TNKS2: variants seen among roughly 807,000 people sequenced by gnomAD.
The protein encoded by TNKS2 is poly [ADP-ribose] polymerase tankyrase-2.
Under a neutral mutation model 137.6 loss-of-function variants are expected in TNKS2, and 72 were observed. The ratio of observed to expected loss-of-function variants is 0.52; its 90% CI spans 0.43 to 0.64. The LOEUF (loss-of-function observed/expected upper bound fraction) is 0.64, where lower values mean the gene tolerates loss of function less well. Ranked by LOEUF, TNKS2 falls within the 30% of genes least tolerant of loss-of-function variation. The pLI is 0.00. For missense variants in TNKS2, 1,049 were observed against 1,410.2 expected, an observed-to-expected ratio of 0.74 and a Z score of 4.10; for synonymous variants, 516 against 512.1, an observed-to-expected ratio of 1.01 and a Z score of -0.10.
intron 7 of TNKS2, among the ~76,000 whole-genome samples, chr10:91,825,499 C>A (rs960275780): frequency 6.6e-6 from 1 of 152,004 alleles, no homozygotes; most frequent in Non-Finnish European, 1.5e-5. Context: ...AGATGAGTGC[C>A]CTTTATGATG....
intron 7 of TNKS2, among the ~76,000 whole-genome samples, chr10:91,825,046 G>C (rs1845022459): frequency 6.6e-6 from 1 of 152,106 alleles, no homozygotes; most frequent in Non-Finnish European, 1.5e-5. Context: ...AACCACACTG[G>C]AATCTGTGAT....
Position 91,842,360 on chromosome 10 carries a change from A to G in TNKS2, c.2028A>G (p.Gln676=), listed in dbSNP as rs1166222470. The G allele has an allele frequency of 1.2e-6, 2 of 1,614,172 alleles. No individual in the cohort carries two copies. Among genetic ancestry groups the G allele is most frequent in the Non-Finnish European group, 1.7e-6 (2 of 1,179,996 alleles). The change falls in exon 16 of 27, where the codon CAA becomes CAG. Residue 676 remains glutamine, a synonymous_variant. Coordinates refer to ENST00000371627, the MANE Select transcript of TNKS2 (RefSeq NM_025235.4). ...ATAATGTAAATTGCCGCGATACCCA[A>G]GGCAGACATTCAACACCTTTACATT... ...SPDNVNCRDT[Q]GRHSTPLHLA... is the part of the protein sequence containing the mutation.
intron 1 of TNKS2, among the ~76,000 whole-genome samples, chr10:91,810,701 G>T (rs1433563472): frequency 6.7e-6 from 1 of 150,358 alleles, no homozygotes; most frequent in South Asian, 2.1e-4. Flanking sequence ...GTAGAGACAG[G>T]GTTTCACCAT....
intron 13 of TNKS2, 76 bp downstream of exon 13, chr10:91,837,074 T>C: frequency 7.0e-7 from 1 of 1,431,566 alleles, no homozygotes; most frequent in Non-Finnish European, 9.5e-7. Flanking sequence ...ACTGTTACAA[T>C]GAAGAGCCTG....
chr10:91,850,087 C>A (rs142878785), intron 20 of TNKS2, among the ~76,000 whole-genome samples: 1 of 152,024 alleles, frequency 6.6e-6, no homozygotes, highest in African/African-American at 2.4e-5. Context: ...AACATATGGC[C>A]GGGTGCAGTG....
intron 6 of TNKS2, among the ~76,000 whole-genome samples, chr10:91,820,803 G>A (rs1844861723): frequency 6.6e-6 from 1 of 152,162 alleles, no homozygotes; most frequent in Admixed American, 6.5e-5. Context: ...AATAATGGTG[G>A]CAGAAGAAAT....
At position 91,863,259 on chromosome 10, in the gene TNKS2, C is replaced by A; in HGVS notation, c.*260C>A. The A allele has an allele frequency of 2.8e-6, 1 of 351,344 alleles. No individual in the cohort carries two copies. Among genetic ancestry groups the A allele is most frequent in the Non-Finnish European group, 5.2e-6 (1 of 192,184 alleles). 21.8% of individuals were successfully genotyped at this position (351,344 alleles called of 1,614,324 possible). A position where few individuals can be genotyped will look rare whatever the true frequency, so the allele number is the denominator to read the frequency against. On this transcript the variant is annotated 3_prime_UTR_variant, in exon 27 of 27. Coordinates refer to ENST00000371627, the MANE Select transcript of TNKS2 (RefSeq NM_025235.4). ...TGGGTTGTCTGTACTAAATTATAAA[C>A]AGAGTTAACTTGAACCTTTTATATG...
intron 20 of TNKS2, among the ~76,000 whole-genome samples, chr10:91,850,587 C>T (rs1321661688): frequency 5.3e-5 from 8 of 151,466 alleles, no homozygotes; most frequent in African/African-American, 1.7e-4. Flanking sequence ...GGCGTGGTGG[C>T]GGGCACCTGT....
chr10:91,822,357 G>A lies in TNKS2; in HGVS notation c.790G>A (p.Val264Ile). Residue 264 changes from valine to isoleucine, a missense_variant, in exon 7 of 27, where the codon GTC (valine) becomes ATC (isoleucine). Physicochemically the swap from Val to Ile is conservative, Grantham distance 29 (BLOSUM62 3). Coordinates refer to ENST00000371627, the MANE Select transcript of TNKS2 (RefSeq NM_025235.4). ...YGHYEVTELL[V>I]KHGACVNAMD... ...TCATTATGAAGTAACTGAACTTTTG[G>A]TCAAGGTTAGTGCTCTTGTACTCTC... The A allele has an allele frequency of 6.2e-7, 1 of 1,611,710 alleles. No homozygotes were observed. Among genetic ancestry groups the A allele is most frequent in the Non-Finnish European group, 8.5e-7 (1 of 1,178,226 alleles).
chr10:91,850,584 T>G (rs1437426832), intron 20 of TNKS2, among the ~76,000 whole-genome samples: 1 of 151,582 alleles, frequency 6.6e-6, no homozygotes, highest in Non-Finnish European at 1.5e-5. Flanking sequence ...CTGGGCGTGG[T>G]GGCGGGCACC....
chr10:91,824,757 C>A (rs1227532983), intron 7 of TNKS2, among the ~76,000 whole-genome samples: 1 of 152,174 alleles, frequency 6.6e-6, no homozygotes, highest in Non-Finnish European at 1.5e-5. Context: ...AACCATCTCA[C>A]CAGGCTCTAA....
At chr10:91,825,459 T>A (rs7079479) in intron 7 of TNKS2, among the ~76,000 whole-genome samples, 1 of 151,956 alleles carries the variant, frequency 6.6e-6, no homozygotes, top group African/African-American at 2.4e-5. Context: ...AGGGCCACCA[T>A]GATAATAAGT....
intron 24 of TNKS2, among the ~76,000 whole-genome samples, chr10:91,857,911 T>G (rs1842753255): frequency 6.6e-6 from 1 of 152,206 alleles, no homozygotes; most frequent in Admixed American, 6.5e-5. Flanking sequence ...TGATTTTGAT[T>G]CTAAGTATCA....
At chr10:91,834,682 C>T (rs975198937) in intron 12 of TNKS2, among the ~76,000 whole-genome samples, 1 of 152,212 alleles carries the variant, frequency 6.6e-6, no homozygotes, top group Non-Finnish European at 1.5e-5. Context: ...TTTTGAGAAA[C>T]ACTGCTTGAA....
intron 20 of TNKS2, among the ~76,000 whole-genome samples, chr10:91,850,278 G>T (rs1368115332): frequency 6.8e-6 from 1 of 147,328 alleles, no homozygotes; most frequent in African/African-American, 2.5e-5. Flanking sequence ...CTGAGGCAAA[G>T]AATTGCTTGA....
chr10:91,807,411 A>G, intron 1 of TNKS2: 2 of 1,614,068 alleles, frequency 1.2e-6, no homozygotes, highest in Middle Eastern at 1.7e-4. Flanking sequence ...AGCGCGGCTG[A>G]ACTCCTCCCA....
chr10:91,818,351 AT>A (rs1844777506), intron 3 of TNKS2, among the ~76,000 whole-genome samples: 1 of 152,090 alleles, frequency 6.6e-6, no homozygotes, highest in African/African-American at 2.4e-5. Context: ...ATCCTTTTTT[AT>A]ATTTGTATAT....
intron 7 of TNKS2, among the ~76,000 whole-genome samples, chr10:91,823,362 C>G (rs2901510): frequency 7.5e-6 from 1 of 134,150 alleles, no homozygotes; most frequent in Non-Finnish European, 1.6e-5. Context: ...GAGTCTCGCT[C>G]TGTCGCCCAG....
chr10:91,813,338 C>A, intron 2 of TNKS2, 131 bp downstream of exon 2: 1 of 845,810 alleles, frequency 1.2e-6, no homozygotes, highest in Non-Finnish European at 1.8e-6. Context: ...ATGATTTAAT[C>A]TAACTACTAT....
Sources: gnomAD v4.1 joint callset for allele counts (sites outside exome capture counted in the v4.1 genomes callset) on GRCh38, gnomAD v4.1.1 for gene constraint, MANE v1.5 for transcripts, NCBI Gene and HGNC (gene_info 2026-07-23, HGNC 2026-07-21) for gene names.